The following VPS13C variants were observed in gnomAD, a reference collection of about 807,000 sequenced individuals.
VPS13C encodes the protein intermembrane lipid transfer protein VPS13C.
VPS13C carries 358 observed loss-of-function variants against 456.8 expected under a neutral mutation model. The observed-to-expected ratio is 0.78, with a 90% confidence interval of 0.72 to 0.86. VPS13C has a LOEUF of 0.86. Among genes scored for constraint, VPS13C ranks in the 40% least tolerant of loss-of-function variants. The pLI is 0.00. For missense variants in VPS13C, 4,818 were observed against 4,385.4 expected (o/e 1.10, Z -2.79); for synonymous variants, 1,578 against 1,486.7 (o/e 1.06, Z -1.41).
intron 81 of VPS13C, chr15:61,865,800 GTGTATA>G (rs1894538716): frequency 1.2e-6 from 1 of 801,520 alleles, no homozygotes; most frequent in African/African-American, 1.9e-5. Context: ...ATATGTGTGT[GTGTATA>G]TATATATGAA....
At chr15:61,919,760 G>A (rs1322766782) in intron 57 of VPS13C, among the ~76,000 whole-genome samples, 2 of 149,428 alleles carry the variant, frequency 1.3e-5, no homozygotes, top group Non-Finnish European at 3.0e-5. Flanking sequence ...TCTGAATATA[G>A]CTATTTTCTC....
rs764754070 is a variant in VPS13C, at chr15:61,915,592, G to A, written c.8445+41C>T. 8.6e-6 allele frequency: 13 copies of A among 1,516,598 alleles called. No individual in the cohort carries two copies. In the African/African-American group the frequency reaches 1.5e-4, roughly 18 times the overall value. The allele number at this position is 1,516,598 out of a possible 1,614,324, so 93.9% of individuals were successfully genotyped here. On this transcript the variant is annotated intron_variant, in intron 61 of 84. Transcript: ENST00000644861. ...AATGACTCCCAAGTTTCTAGATTAG[G>A]AATTTATCTGCTTTAACTTATTATG...
chr15:62,021,624 CA>C (rs2047465083), intron 8 of VPS13C, among the ~76,000 whole-genome samples: 1 of 151,804 alleles, frequency 6.6e-6, no homozygotes, highest in South Asian at 2.1e-4. Flanking sequence ...CTAAATCATC[CA>C]ACTGGGACTC....
intron 47 of VPS13C, among the ~76,000 whole-genome samples, chr15:61,937,293 T>C (rs898489998): frequency 6.6e-5 from 10 of 152,342 alleles, no homozygotes; most frequent in Admixed American, 5.9e-4. Context: ...CAAATGTATC[T>C]ACAAAGAATG....
chr15:61,880,283 T>C (rs1187782369), intron 73 of VPS13C, among the ~76,000 whole-genome samples: 1 of 152,142 alleles, frequency 6.6e-6, no homozygotes, highest in Non-Finnish European at 1.5e-5. Flanking sequence ...GCTCTCTGTT[T>C]AGACAGTGAT....
intron 81 of VPS13C, chr15:61,864,467 A>G: frequency 1.2e-6 from 1 of 821,348 alleles, no homozygotes; most frequent in Non-Finnish European, 1.5e-6. Flanking sequence ...GATAATATAT[A>G]TGAAAATACA....
chr15:62,000,479 C>A, intron 16 of VPS13C, 85 bp downstream of exon 16: 3 of 1,324,278 alleles, frequency 2.3e-6, no homozygotes, highest in South Asian at 1.4e-5. Context: ...AACCTCACCT[C>A]GTGAAACTTC....
intron 66 of VPS13C, among the ~76,000 whole-genome samples, chr15:61,891,532 G>C (rs1036916097): frequency 1.3e-5 from 2 of 152,128 alleles, no homozygotes; most frequent in Non-Finnish European, 2.9e-5. Context: ...ATGTATCTTA[G>C]TTCACAGTTA....
chr15:61,919,398 C>T lies in VPS13C; in HGVS notation c.7529G>A (p.Arg2510Gln), dbSNP rs145772461. ...GGGATTCCGTACATTATACAATCGC[C>T]GTCCAGGTCTGGCCACAGGGATATT... ...VANIPVARPG[R>Q]RLYNVRNPNA... The change falls in exon 58 of 85, where the codon CGG (arginine) becomes CAG (glutamine). Residue 2510 changes from arginine (R) to glutamine (Q), a missense_variant. Arg to Gln is a conservative substitution (Grantham distance 43). Around this residue, in one of 3 missense-constraint regions of VPS13C, gnomAD observed 4,552 missense variants for 4,130.6 expected, o/e 1.10. Transcript: ENST00000644861. 19 of 1,600,642 alleles carry T rather than the reference C, an allele frequency of 1.2e-5. No individual in the cohort carries two copies. Among genetic ancestry groups the T allele is most frequent in the East Asian group, 1.1e-4 (5 of 43,794 alleles).
chr15:61,928,410 C>A (rs1159117864), intron 51 of VPS13C, among the ~76,000 whole-genome samples: 1 of 152,014 alleles, frequency 6.6e-6, no homozygotes, highest in Non-Finnish European at 1.5e-5. Flanking sequence ...GTCATATAAT[C>A]TATACTGTAA....
Position 61,880,869 on chromosome 15 carries a change from T to C in VPS13C, c.9862A>G (p.Thr3288Ala), listed in dbSNP as rs1173545956. 1.2e-6 allele frequency: 2 copies of C among 1,605,616 alleles called. No individual in the cohort carries two copies. Among genetic ancestry groups the C allele is most frequent in the Non-Finnish European group, 8.5e-7 (1 of 1,177,444 alleles). Residue 3288 changes from threonine to alanine, a missense_variant, in exon 72 of 85, where the codon ACA (threonine) becomes GCA (alanine). By Grantham distance (58) the Thr-to-Ala change is moderately conservative. This residue lies in a region of VPS13C where 4,552 missense variants were observed against 4,130.6 expected (regional missense o/e 1.10). Coordinates refer to ENST00000644861, the MANE Select transcript of VPS13C (RefSeq NM_020821.3). ...CGTCTTCTTTCAGCTTCAGGGTCTG[T>C]TGTTGGGGTAAACAGTGCAATAATA... is the stretch of plus-strand genomic sequence containing the variant. Reference protein sequence around the residue: ...GAIIALFTPTTDPEAERRRTK... With the variant: ...GAIIALFTPTADPEAERRRTK...
At chr15:62,048,274 C>T (rs1399349849) in intron 1 of VPS13C, among the ~76,000 whole-genome samples, 1 of 137,730 alleles carries the variant, frequency 7.3e-6, no homozygotes, top group African/African-American at 2.7e-5. Flanking sequence ...CAACAGGCCC[C>T]TGTGTGTGAT....
At chr15:62,021,667 G>GA (rs1409824087) in intron 8 of VPS13C, among the ~76,000 whole-genome samples, 3 of 151,740 alleles carry the variant, frequency 2.0e-5, no homozygotes, top group African/African-American at 7.3e-5. Context: ...TTTCTAAATG[G>GA]AAAAAAATCC....
At position 61,929,487 on chromosome 15, in the gene VPS13C, T is replaced by C; in HGVS notation, c.6286+14A>G. The C allele has an allele frequency of 6.2e-7, 1 of 1,610,278 alleles. No individual in the cohort carries two copies. Among genetic ancestry groups the C allele is most frequent in the Non-Finnish European group, 8.5e-7 (1 of 1,177,206 alleles). ...TATACAAGTTGTCATCTATGACAGA[T>C]AAATTCTGCTAACCTTTCTCTATCT... On this transcript the variant is annotated intron_variant, in intron 51 of 84. Coordinates refer to ENST00000644861, the MANE Select transcript of VPS13C (RefSeq NM_020821.3).
intron 18 of VPS13C, among the ~76,000 whole-genome samples, chr15:61,990,099 A>C (rs991537607): frequency 6.6e-6 from 1 of 152,254 alleles, no homozygotes; most frequent in African/African-American, 2.4e-5. Context: ...ACAGGGATGA[A>C]TCTCACAAGA....
At position 61,854,929 on chromosome 15, in the gene VPS13C, T is replaced by C. The variant is rs1268777810; in HGVS notation, c.11102A>G (p.Asp3701Gly). The C allele has an allele frequency of 1.9e-6, 3 of 1,613,150 alleles. No individual in the cohort carries two copies. The highest frequency in any genetic ancestry group is 1.3e-5 in the African/African-American group (1 of 74,876). Residue 3701 changes from aspartate to glycine, a missense_variant, in exon 84 of 85, where the codon GAC (aspartate) becomes GGC (glycine). Asp to Gly is a moderately conservative substitution (Grantham distance 94). Around this residue, in one of 3 missense-constraint regions of VPS13C, gnomAD observed 261 missense variants for 234.1 expected, o/e 1.11. Coordinates refer to ENST00000644861, the MANE Select transcript of VPS13C (RefSeq NM_020821.3). ...VKEQGLFHKK[D>G]SANQGCVRKV... ...TCGAACACAGCCTTGATTGGCACTG[T>C]CTTTTTTGTGGAACAGACCCTGTTC...
intron 74 of VPS13C, among the ~76,000 whole-genome samples, chr15:61,878,386 A>C (rs1895609764): frequency 6.6e-6 from 1 of 151,732 alleles, no homozygotes; most frequent in Non-Finnish European, 1.5e-5. Context: ...TTATCTAGAT[A>C]TGAGTAATCA....
chr15:61,983,775 G>C, intron 20 of VPS13C, 45 bp downstream of exon 20: 1 of 1,573,226 alleles, frequency 6.4e-7, no homozygotes, highest in South Asian at 1.2e-5. Context: ...TATGTCAGAA[G>C]CATAAGATGA....
At chr15:61,955,448 T>C (rs182349741) in intron 37 of VPS13C, among the ~76,000 whole-genome samples, 328 of 152,238 alleles carry the variant, frequency 2.2e-3, no homozygotes, top group Non-Finnish European at 4.1e-3. Flanking sequence ...GTTGACATTA[T>C]CTTGACCACT....
Sources: allele counts gnomAD v4.1 joint callset (sites outside exome capture counted in the v4.1 genomes callset), GRCh38; gene constraint gnomAD v4.1.1; regional missense constraint gnomAD v4.1.1; transcripts MANE v1.5; gene names NCBI Gene and HGNC (gene_info 2026-07-23, HGNC 2026-07-21).